PFKFB3: variants seen among roughly 807,000 people sequenced by gnomAD.
PFKFB3 encodes 6-phosphofructo-2-kinase/fructose-2,6-biphosphatase 3.
In PFKFB3, 33 loss-of-function variants were observed where a neutral mutation model predicts 68.0. That is an observed-to-expected ratio of 0.49 (90% CI 0.37 to 0.65). PFKFB3 has a LOEUF of 0.65. PFKFB3 is among the 30% of genes least tolerant of loss of function. PFKFB3 has a pLI of 0.00. For synonymous variants in PFKFB3, 315 were observed against 288.2 expected, an observed-to-expected ratio of 1.09 and a Z score of -0.94; for missense variants, 586 against 712.2, an observed-to-expected ratio of 0.82 and a Z score of 2.02.
chr10:6,178,810 G>A (rs1157752505), intron 1 of PFKFB3, among the ~76,000 whole-genome samples: 5 of 152,146 alleles, frequency 3.3e-5, no homozygotes, highest in African/African-American at 7.2e-5. Context: ...CCTGCCCCTC[G>A]GCCCCAATCT....
upstream of PFKFB3, among the ~76,000 whole-genome samples, chr10:6,199,166 T>G (rs1843252952): frequency 6.6e-6 from 1 of 152,248 alleles, no homozygotes; most frequent in African/African-American, 2.4e-5. Context: ...ATAGTGACAC[T>G]TGGTGTCTAA....
chr10:6,274,524 T>C, the PFKFB3 span, among the ~76,000 whole-genome samples: 3 of 152,196 alleles, frequency 2.0e-5, no homozygotes, highest in African/African-American at 4.8e-5. Context: ...AATTTCACAG[T>C]AGAGATGAAG....
At chr10:6,163,831 G>C (rs1402949766) in intron 1 of PFKFB3, 1 of 151,948 alleles carries the variant, frequency 6.6e-6, no homozygotes, top group African/African-American at 2.4e-5. Flanking sequence ...CGCCCTCCCG[G>C]CGTGCGCCGC....
rs187031457 is a variant in PFKFB3 at position 6,231,302 on chromosome 10, C to T, written c.1516-1593C>T. The T allele has an allele frequency of 1.3e-3, 2,085 of 1,612,234 alleles. 28 individuals carry two copies. In the African/African-American group the frequency reaches 0.025, roughly 19 times the overall value. On this transcript the variant is annotated intron_variant, in intron 14 of 14. Transcript: ENST00000379775. Reference sequence around the variant, plus strand: ...ACATTTTCTCAAAGTTTTCTCCTTACTAACTGTGGAAGGTAAATGCCTGGG... The same window carrying T: ...ACATTTTCTCAAAGTTTTCTCCTTATTAACTGTGGAAGGTAAATGCCTGGG...
intron 1 of PFKFB3, among the ~76,000 whole-genome samples, chr10:6,194,265 TC>T (rs1843109794): frequency 1.3e-5 from 2 of 152,214 alleles, no homozygotes; most frequent in Non-Finnish European, 2.9e-5. Flanking sequence ...GCCTGGTTCA[TC>T]ACGGTTGAGT....
In PFKFB3 at chr10:6,228,258, T is replaced by C; in HGVS notation, c.1515+1893T>C. ...GATCATCGCTGCTGCTTGCACTGCT[T>C]TCTTCCTGCTTGCTCATTTGGCCTC... On this transcript the variant is annotated intron_variant, in intron 14 of 14. Transcript: ENST00000379775. The surrounding 1 kb of genome is among the most constrained non-coding windows in gnomAD (Gnocchi z 4.5). 5.0e-6 allele frequency: 8 copies of C among 1,610,966 alleles called. No individual in the cohort carries two copies. The highest frequency in any genetic ancestry group is 5.9e-6 in the Non-Finnish European group (7 of 1,178,320).
Position 6,228,459 on chromosome 10 carries a change from C to A in PFKFB3, c.1515+2094C>A, listed in dbSNP as rs1289114236. Among the ~76,000 whole-genome samples the A allele has an allele frequency of 1.3e-5, 2 of 152,060 alleles. No homozygotes were observed. Among genetic ancestry groups the A allele is most frequent in the African/African-American group, 4.8e-5 (2 of 41,396 alleles). On this transcript the variant is annotated intron_variant, in intron 14 of 14. Coordinates refer to ENST00000379775, the MANE Select transcript of PFKFB3 (RefSeq NM_004566.4). This position sits in a 1 kb window ranked among gnomAD's most constrained non-coding sequence, Gnocchi z 4.5. Reference sequence around the variant, plus strand: ...GGTGTGTTCCGACACCGCCGCACGACCGCTGGCTTCTCCCCTACCCTCTCA... The same window carrying A: ...GGTGTGTTCCGACACCGCCGCACGAACGCTGGCTTCTCCCCTACCCTCTCA...
intron 1 of PFKFB3, among the ~76,000 whole-genome samples, chr10:6,195,684 C>T (rs1014344806): frequency 7.2e-5 from 11 of 152,128 alleles, no homozygotes; most frequent in Non-Finnish European, 1.0e-4. Flanking sequence ...AGAGAGTATT[C>T]GGGGGGCTCC....
downstream of PFKFB3, among the ~76,000 whole-genome samples, chr10:6,259,582 TCATCCATC>T (rs111915905): frequency 8.9e-5 from 12 of 135,076 alleles, 1 homozygote; most frequent in African/African-American, 3.1e-4. Context: ...ATCCATCCAC[TCATCCATC>T]CATCCATCCA....
At chr10:6,214,388 T>C (rs1844426598) in intron 2 of PFKFB3, among the ~76,000 whole-genome samples, 1 of 152,090 alleles carries the variant, frequency 6.6e-6, no homozygotes, top group Non-Finnish European at 1.5e-5. Flanking sequence ...CGTGGCAAAA[T>C]TGTCTTCCAC....
intron 4 of PFKFB3, among the ~76,000 whole-genome samples, chr10:6,216,452 T>C (rs955257933): frequency 4.6e-5 from 7 of 152,224 alleles, no homozygotes; most frequent in Non-Finnish European, 5.9e-5. Flanking sequence ...CACTGTCCCA[T>C]TGCACATTAC....
At chr10:6,297,827 T>A in the PFKFB3 span, among the ~76,000 whole-genome samples, 1 of 152,280 alleles carries the variant, frequency 6.6e-6, no homozygotes, top group African/African-American at 2.4e-5. Flanking sequence ...CTGTGGGTAT[T>A]TCTACCTCTG....
chr10:6,198,983 T>C (rs2131842672), upstream of PFKFB3, among the ~76,000 whole-genome samples: 1 of 152,356 alleles, frequency 6.6e-6, no homozygotes, highest in East Asian at 1.9e-4. Context: ...CAACATGACA[T>C]TGTGTGGATA....
chr10:6,256,499 G>A (rs747022044), downstream of PFKFB3, among the ~76,000 whole-genome samples: 1 of 152,222 alleles, frequency 6.6e-6, no homozygotes. Context: ...ATTCAGGTCT[G>A]CAGCGCCTTC....
intron 1 of PFKFB3, among the ~76,000 whole-genome samples, chr10:6,148,899 G>A (rs1391390629): frequency 1.2e-4 from 18 of 152,018 alleles, no homozygotes; most frequent in Admixed American, 1.1e-3. Flanking sequence ...ACAACATAGC[G>A]AGACCCTCTC....
intron 1 of PFKFB3, among the ~76,000 whole-genome samples, chr10:6,156,566 G>A (rs1564586766): frequency 1.3e-5 from 2 of 151,840 alleles, no homozygotes; most frequent in South Asian, 4.2e-4. Flanking sequence ...GATGTGCAGT[G>A]GCACAATCTC....
the PFKFB3 span, among the ~76,000 whole-genome samples, chr10:6,285,388 CAT>C: frequency 6.6e-6 from 1 of 151,978 alleles, no homozygotes; most frequent in African/African-American, 2.4e-5. Context: ...CATGTGCCAC[CAT>C]ATCTGGCTAA....
chr10:6,254,295 G>C, exon 15 of PFKFB3: 1 of 398,518 alleles, frequency 2.5e-6, no homozygotes. Flanking sequence ...TGGACCCGGG[G>C]CTGCACCAAG....
the PFKFB3 span, among the ~76,000 whole-genome samples, chr10:6,266,617 C>G: frequency 6.6e-6 from 1 of 152,154 alleles, no homozygotes; most frequent in South Asian, 2.1e-4. Flanking sequence ...GTGTGTGTAT[C>G]TATATCTATA....
Sources: gnomAD v4.1 joint callset for allele counts (sites outside exome capture counted in the v4.1 genomes callset) on GRCh38, gnomAD v4.1.1 for gene constraint, Gnocchi (gnomAD v3.1) non-coding constraint, MANE v1.5 for transcripts, NCBI Gene and HGNC (gene_info 2026-07-23, HGNC 2026-07-21) for gene names.